Variants in C4orf51 observed in about 807,000 individuals in gnomAD.
The protein encoded by C4orf51 is chromosome 4 open reading frame 51.
Under a neutral mutation model 25.2 loss-of-function variants are expected in C4orf51, and 25 were observed. The observed-to-expected ratio is 0.99, with a 90% CI of 0.72 to 1.39. C4orf51 has a LOEUF of 1.39. Ranked by LOEUF, C4orf51 falls within the 40% of genes most tolerant of loss-of-function variation. The probability of loss-of-function intolerance (pLI) is 0.00; values close to 1 mark genes in which losing one functional copy is unlikely to be tolerated. For missense variants in C4orf51, 252 were observed against 239.6 expected (o/e 1.05, Z -0.34); for synonymous variants, 100 against 84.5 (o/e 1.18, Z -1.01).
intron 2 of C4orf51, among the ~76,000 whole-genome samples, chr4:145,716,141 T>C (rs1432805114): frequency 6.6e-6 from 1 of 152,258 alleles, no homozygotes; most frequent in East Asian, 1.9e-4. Context: ...GGTTGATAGA[T>C]AAACTTCCAA....
intron 1 of C4orf51, among the ~76,000 whole-genome samples, chr4:145,690,939 G>A (rs1459094774): frequency 6.6e-6 from 1 of 151,462 alleles, no homozygotes; most frequent in Non-Finnish European, 1.5e-5. Flanking sequence ...CCATCTCCCC[G>A]CTCCCACCCC....
Position 145,762,560 on chromosome 4 carries a change from G to A in C4orf51, n.167-8428G>A, listed in dbSNP as rs1283789441. ...TTGAGTGGTCTCTACAGGCAATTTA[G>A]GTAGATTCTGGAAGGGCGGATGCTG... On this transcript the variant is annotated intron_variant and non_coding_transcript_variant, in intron 1 of 1. Transcript: ENST00000510096. The surrounding 1 kb of genome is among the most constrained non-coding windows in gnomAD (Gnocchi z 4.9). 6.6e-6 allele frequency among the ~76,000 whole-genome samples: 1 copy of A among 152,114 alleles called. No individual in the cohort carries two copies. Among genetic ancestry groups the A allele is most frequent in the Non-Finnish European group, 1.5e-5 (1 of 68,018 alleles).
Position 145,768,915 on chromosome 4 carries a change from AT to A in C4orf51, n.167-2071del, listed in dbSNP as rs1476391429. On this transcript the variant is annotated intron_variant and non_coding_transcript_variant, in intron 1 of 1. Transcript: ENST00000510096. ...AATATATATATATATATATATATATATTAGGTATACAAAGTTTGGAAATAGA... is the reference window on the plus strand; with the variant it reads ...AATATATATATATATATATATATATATAGGTATACAAAGTTTGGAAATAGA... Among the ~76,000 whole-genome samples, 219 of 60,780 alleles carry A rather than the reference AT, an allele frequency of 3.6e-3. 45 individuals are homozygous for A. The highest frequency in any genetic ancestry group is 0.011 in the African/African-American group (195 of 18,286). The allele number at this position is 60,780 out of a possible 152,430, so 39.9% of individuals were successfully genotyped here.
At chr4:145,706,930 G>C (rs1019267902) in intron 2 of C4orf51, among the ~76,000 whole-genome samples, 1 of 151,334 alleles carries the variant, frequency 6.6e-6, no homozygotes, top group East Asian at 1.9e-4. Context: ...TCCTGCCTCA[G>C]CCTCTTGAGT....
intron 1 of C4orf51, among the ~76,000 whole-genome samples, chr4:145,686,558 C>T (rs1729167695): frequency 6.6e-6 from 1 of 151,974 alleles, no homozygotes; most frequent in Non-Finnish European, 1.5e-5. Context: ...TCACTGCTTG[C>T]ACAAATTGTC....
At chr4:145,757,797 T>C (rs925348294), downstream of C4orf51, 1 of 151,656 alleles carries the variant, frequency 6.6e-6, no homozygotes, top group Non-Finnish European at 1.5e-5. Context: ...TTTTCAGTAA[T>C]GTACACAAAC....
intron 2 of C4orf51, among the ~76,000 whole-genome samples, chr4:145,722,707 TG>T (rs1560846969): frequency 6.6e-6 from 1 of 152,142 alleles, no homozygotes; most frequent in East Asian, 1.9e-4. Flanking sequence ...TGTTAGGAAG[TG>T]GGCTGTACAG....
intron 2 of C4orf51, among the ~76,000 whole-genome samples, chr4:145,703,333 C>T (rs1303045840): frequency 6.6e-6 from 1 of 152,010 alleles, no homozygotes; most frequent in African/African-American, 2.4e-5. Context: ...GAGAACAAAC[C>T]CCCTTTGACT....
chr4:145,692,033 A>G (rs1729609146), intron 1 of C4orf51, among the ~76,000 whole-genome samples: 1 of 102,666 alleles, frequency 9.7e-6, no homozygotes, highest in Non-Finnish European at 1.9e-5. Flanking sequence ...TACTTTCTAC[A>G]GTTGATTCTA....
downstream of C4orf51, among the ~76,000 whole-genome samples, chr4:145,736,434 C>T (rs570781070): frequency 6.6e-6 from 1 of 152,244 alleles, no homozygotes; most frequent in South Asian, 2.1e-4. Context: ...GATAGGGACT[C>T]TGTGACCTGA....
Position 145,765,252 on chromosome 4 carries a change from C to T in C4orf51, n.167-5736C>T. ...GGAGCCAAGCTCCTCCCCACTTCCTCCCGCCTCCTCCGACGCCTGACAGCT... is the reference window on the plus strand; with the variant it reads ...GGAGCCAAGCTCCTCCCCACTTCCTTCCGCCTCCTCCGACGCCTGACAGCT... On this transcript the variant is annotated intron_variant and non_coding_transcript_variant, in intron 1 of 1. Transcript: ENST00000510096. The surrounding 1 kb of genome is among the most constrained non-coding windows in gnomAD (Gnocchi z 4.7). The T allele has an allele frequency of 7.2e-6, 10 of 1,396,792 alleles. No homozygotes were observed. The highest frequency in any genetic ancestry group is 7.7e-6 in the Non-Finnish European group (8 of 1,045,268). The allele number at this position is 1,396,792 out of a possible 1,614,324, so 86.5% of individuals were successfully genotyped here. A position where few individuals can be genotyped will look rare whatever the true frequency, so the allele number is the denominator to read the frequency against.
At chr4:145,685,960 A>G (rs1359142629) in intron 1 of C4orf51, among the ~76,000 whole-genome samples, 1 of 152,264 alleles carries the variant, frequency 6.6e-6, no homozygotes, top group African/African-American at 2.4e-5. Flanking sequence ...TGAATAATAC[A>G]TAAAGTATGA....
At chr4:145,777,656 T>G in the C4orf51 span, among the ~76,000 whole-genome samples, 1 of 152,220 alleles carries the variant, frequency 6.6e-6, no homozygotes, top group Admixed American at 6.5e-5. Flanking sequence ...TTGAGTATTT[T>G]TGCTTCATTT....
intron 1 of C4orf51, among the ~76,000 whole-genome samples, chr4:145,692,532 C>T (rs79565058): frequency 0.016 from 2,418 of 152,266 alleles, 59 homozygotes; most frequent in African/African-American, 0.055. Flanking sequence ...TAAATTCATA[C>T]GCCCAGGTGA....
At chr4:145,786,236 G>A in the C4orf51 span, among the ~76,000 whole-genome samples, 3 of 152,118 alleles carry the variant, frequency 2.0e-5, no homozygotes, top group Non-Finnish European at 4.4e-5. Context: ...GTATTGTTTG[G>A]CTTTGTGGGC....
At chr4:145,735,603 C>T (rs958056979), downstream of C4orf51, among the ~76,000 whole-genome samples, 1 of 152,110 alleles carries the variant, frequency 6.6e-6, no homozygotes, top group Non-Finnish European at 1.5e-5. Flanking sequence ...TTTCTTCTTC[C>T]CAGAGAAGGC....
At chr4:145,779,645 T>A in the C4orf51 span, 1 of 1,240,960 alleles carries the variant, frequency 8.1e-7, no homozygotes, top group Non-Finnish European at 1.1e-6. Flanking sequence ...TCTCCGTAAC[T>A]GGTTTTCCTG....
chr4:145,724,395 C>A (rs1437417144), intron 2 of C4orf51, among the ~76,000 whole-genome samples: 1 of 151,946 alleles, frequency 6.6e-6, no homozygotes, highest in Non-Finnish European at 1.5e-5. Flanking sequence ...GCTTAAGATA[C>A]CTTCTTTAAA....
the C4orf51 span, among the ~76,000 whole-genome samples, chr4:145,782,250 C>G: frequency 6.6e-6 from 1 of 152,208 alleles, no homozygotes; most frequent in African/African-American, 2.4e-5. Flanking sequence ...AGAACATGAC[C>G]TCGAAATCAC....
Sources: gnomAD v4.1 joint callset for allele counts (sites outside exome capture counted in the v4.1 genomes callset) on GRCh38, gnomAD v4.1.1 for gene constraint, Gnocchi (gnomAD v3.1) non-coding constraint, MANE v1.5 for transcripts, NCBI Gene and HGNC (gene_info 2026-07-23, HGNC 2026-07-21) for gene names.